Variants in DMD observed in about 807,000 individuals in gnomAD.
The protein encoded by DMD is mutant dystrophin.
DMD carries 63 observed loss-of-function variants against 330.1 expected under a neutral mutation model. The ratio of observed to expected loss-of-function variants is 0.19; its 90% CI spans 0.16 to 0.24. The LOEUF (loss-of-function observed/expected upper bound fraction) is 0.24. Ranked by LOEUF, DMD falls within the 10% of genes least tolerant of loss-of-function variation. DMD has a pLI of 1.00. For missense variants in DMD, 3,344 were observed against 2,684.1 expected (o/e 1.25, Z -5.43); for synonymous variants, 1,223 against 959.8 (o/e 1.27, Z -5.07).
At chrX:33,111,081 T>A (rs935152025) in intron 1 of DMD, among the ~76,000 whole-genome samples, 2 of 111,225 alleles carry the variant, frequency 1.8e-5, no homozygotes, top group Non-Finnish European at 3.8e-5. Flanking sequence ...AATTGTCATA[T>A]TTTTCTCCAC....
intron 74 of DMD, among the ~76,000 whole-genome samples, chrX:31,168,283 C>A (rs1216518006): frequency 9.0e-6 from 1 of 111,333 alleles, no homozygotes; most frequent in African/African-American, 3.3e-5. Context: ...TTTGAACGCC[C>A]CACTAAGAAG....
At chrX:32,785,965 T>A (rs2075317113) in intron 7 of DMD, among the ~76,000 whole-genome samples, 1 of 110,649 alleles carries the variant, frequency 9.0e-6, no homozygotes, top group African/African-American at 3.3e-5. Flanking sequence ...CTTCTGGCTG[T>A]CTCTTTTCAG....
intron 7 of DMD, among the ~76,000 whole-genome samples, chrX:32,734,720 C>CA (rs2068198011): frequency 9.1e-6 from 1 of 110,188 alleles, no homozygotes; most frequent in Non-Finnish European, 1.9e-5. Flanking sequence ...AACAACCCTT[C>CA]ATGCTAAAAA....
intron 7 of DMD, among the ~76,000 whole-genome samples, chrX:32,777,277 T>TGGGGGGGGGGG (rs546914107): frequency 4.7e-4 from 1 of 2,113 alleles, no homozygotes; most frequent in Non-Finnish European, 7.0e-4. Context: ...GGTTTCTGGT[T>TGGGGGGGGGGG]GGGGGGGGAA....
chrX:32,093,683 T>C (rs900041384), intron 44 of DMD, among the ~76,000 whole-genome samples: 1 of 111,480 alleles, frequency 9.0e-6, no homozygotes, highest in Middle Eastern at 4.2e-3. Context: ...TATGTCACTT[T>C]TGTGCTTTGA....
chrX:33,106,242 A>C (rs2095286715), intron 1 of DMD, among the ~76,000 whole-genome samples: 1 of 110,735 alleles, frequency 9.0e-6, no homozygotes, highest in Non-Finnish European at 1.9e-5. Flanking sequence ...GAGTATGCAA[A>C]GGCATACAGA....
At chrX:32,575,061 C>T (rs2052879695) in intron 13 of DMD, among the ~76,000 whole-genome samples, 1 of 110,462 alleles carries the variant, frequency 9.1e-6, no homozygotes. Flanking sequence ...CCATGTCTGG[C>T]TAATTTTTGT....
intron 2 of DMD, among the ~76,000 whole-genome samples, chrX:32,944,231 C>G (rs1248375536): frequency 8.9e-6 from 1 of 112,236 alleles, no homozygotes; most frequent in East Asian, 2.8e-4. Context: ...TTGTAAGATT[C>G]AATTTCAGTT....
chrX:31,146,422 A>G lies in DMD; in HGVS notation c.10798-8T>C. The stretch of plus-strand genomic sequence containing the variant: ...TTTGGCCTCTGCCTGGGGCTAAGTC[A>G]TCCAAAAGAAAACAGAATTACTTTT... On this transcript the variant is annotated splice_polypyrimidine_tract_variant and splice_region_variant and intron_variant, in intron 75 of 78. Coordinates refer to ENST00000357033, the MANE Select transcript of DMD (RefSeq NM_004006.3). The G allele has an allele frequency of 8.3e-7, 1 of 1,206,915 alleles. No homozygotes were observed. Among genetic ancestry groups the G allele is most frequent in the Non-Finnish European group, 1.1e-6 (1 of 891,902 alleles).
intron 44 of DMD, among the ~76,000 whole-genome samples, chrX:32,075,848 A>G (rs2096340643): frequency 9.2e-6 from 1 of 108,366 alleles, no homozygotes; most frequent in African/African-American, 3.4e-5. Flanking sequence ...CAGGAGTTCG[A>G]GACCAGCCTG....
At chrX:31,824,165 C>A (rs1316831701) in intron 49 of DMD, among the ~76,000 whole-genome samples, 1 of 112,036 alleles carries the variant, frequency 8.9e-6, no homozygotes, top group Non-Finnish European at 1.9e-5. Flanking sequence ...TAAGGAAGTA[C>A]AAGAAAGTTT....
At chrX:32,485,316 T>C (rs1569564733) in intron 20 of DMD, among the ~76,000 whole-genome samples, 1 of 111,285 alleles carries the variant, frequency 9.0e-6, no homozygotes, top group African/African-American at 3.3e-5. Flanking sequence ...TCCTATATAA[T>C]GATATTTAAA....
intron 62 of DMD, among the ~76,000 whole-genome samples, chrX:31,296,306 T>A (rs1394606480): frequency 2.7e-5 from 3 of 112,088 alleles, no homozygotes; most frequent in African/African-American, 9.7e-5. Context: ...AAGTATGGTA[T>A]CTAAAAATAA....
At chrX:31,350,592 C>CGTGTGTGT (rs747001189) in intron 60 of DMD, among the ~76,000 whole-genome samples, 1 of 85,316 alleles carries the variant, frequency 1.2e-5, no homozygotes, top group African/African-American at 4.4e-5. Flanking sequence ...AAATGTGGTA[C>CGTGTGTGT]GTGTGTGTGT....
At chrX:31,621,879 G>A (rs1478548620) in intron 55 of DMD, among the ~76,000 whole-genome samples, 2 of 111,815 alleles carry the variant, frequency 1.8e-5, no homozygotes, top group African/African-American at 6.5e-5. Flanking sequence ...CCTCTATCAC[G>A]AATGCTCTTT....
At chrX:31,313,312 C>T (rs1263798490) in intron 62 of DMD, among the ~76,000 whole-genome samples, 1 of 110,676 alleles carries the variant, frequency 9.0e-6, no homozygotes, top group Non-Finnish European at 1.9e-5. Flanking sequence ...TAGGTCTCTG[C>T]AACTTGATTG....
intron 2 of DMD, among the ~76,000 whole-genome samples, chrX:32,889,784 G>A (rs1465372796): frequency 9.0e-6 from 1 of 110,788 alleles, no homozygotes; most frequent in Non-Finnish European, 1.9e-5. Flanking sequence ...ACCACCCTTG[G>A]CTGACTCCTT....
chrX:32,559,694 T>G (rs1032792887), intron 16 of DMD, among the ~76,000 whole-genome samples: 3 of 111,706 alleles, frequency 2.7e-5, no homozygotes, highest in African/African-American at 9.7e-5. Flanking sequence ...TGTAAAGAAA[T>G]TTTCATCTTG....
At chrX:32,237,366 T>C (rs997318101) in intron 43 of DMD, among the ~76,000 whole-genome samples, 1 of 111,112 alleles carries the variant, frequency 9.0e-6, no homozygotes, top group Non-Finnish European at 1.9e-5. Context: ...ATTTTTTTTT[T>C]CTTGGTAACA....
Sources: allele counts gnomAD v4.1 joint callset (sites outside exome capture counted in the v4.1 genomes callset), GRCh38; gene constraint gnomAD v4.1.1; transcripts MANE v1.5; gene names NCBI Gene and HGNC (gene_info 2026-07-23, HGNC 2026-07-21).